The following MTA3 variants were observed in gnomAD, a reference collection of about 807,000 sequenced individuals.
The protein encoded by MTA3 is metastasis-associated protein MTA3.
MTA3 carries 34 observed loss-of-function variants against 83.5 expected under a neutral mutation model. That is an observed-to-expected ratio of 0.41 (90% CI 0.31 to 0.54). The LOEUF is 0.54. Ranked by LOEUF, MTA3 falls within the 20% of genes least tolerant of loss-of-function variation. The pLI, the probability that MTA3 is intolerant of heterozygous loss-of-function variation, is 0.33. For synonymous variants in MTA3, 303 were observed against 252.7 expected (o/e 1.20, Z -1.89); for missense variants, 761 against 726.4 (o/e 1.05, Z -0.55).
intron 13 of MTA3, 111 bp downstream of exon 13, chr2:42,708,165 T>G: frequency 8.8e-7 from 1 of 1,138,386 alleles, no homozygotes; most frequent in South Asian, 2.1e-5. Context: ...AAGCTACCTT[T>G]ATAGCTAAAC....
At chr2:42,636,647 A>C (rs1311801911) in intron 4 of MTA3, among the ~76,000 whole-genome samples, 2 of 92,306 alleles carry the variant, frequency 2.2e-5, no homozygotes, top group Non-Finnish European at 4.1e-5. Flanking sequence ...TTTTTTTTTG[A>C]GACGGGGTTT....
intron 3 of MTA3, among the ~76,000 whole-genome samples, chr2:42,607,429 G>A (rs912393179): frequency 1.3e-5 from 2 of 152,104 alleles, no homozygotes; most frequent in Non-Finnish European, 2.9e-5. Flanking sequence ...GCCCAGGCTG[G>A]AGTGCAGTGG....
At chr2:42,657,912 TA>T (rs1689312864) in intron 7 of MTA3, among the ~76,000 whole-genome samples, 2 of 149,914 alleles carry the variant, frequency 1.3e-5, no homozygotes. Context: ...TCTACAAAAA[TA>T]CAAAAAAAAT....
rs539954258 is a variant in MTA3, at chr2:42,557,482, G to C, written c.-140-12955G>C. Among the ~76,000 whole-genome samples the C allele has an allele frequency of 2.0e-5, 3 of 152,174 alleles. No homozygotes were observed. In the South Asian group the frequency reaches 6.2e-4, roughly 32 times the overall value. ...TCTGGGTGTCCTTTACCAAAGCCTC[G>C]AAAAGGTCAAACTGCCTCCAGGTGT... On this transcript the variant is annotated intron_variant, in intron 2 of 17. Coordinates refer to the MTA3 transcript ENST00000405592.
chr2:42,604,417 G>A (rs1682974961), intron 3 of MTA3, among the ~76,000 whole-genome samples: 2 of 152,146 alleles, frequency 1.3e-5, no homozygotes, highest in Admixed American at 1.3e-4. Context: ...GAAAAGCACT[G>A]GAATGAAATG....
intron 2 of MTA3, among the ~76,000 whole-genome samples, chr2:42,575,001 A>G (rs1678890761): frequency 6.6e-6 from 1 of 152,198 alleles, no homozygotes; most frequent in Non-Finnish European, 1.5e-5. Context: ...ACTCTAAACT[A>G]TTTACCATAT....
chr2:42,729,437 TTTTGA>T (rs944887881), intron 16 of MTA3, among the ~76,000 whole-genome samples: 2 of 152,140 alleles, frequency 1.3e-5, no homozygotes, highest in African/African-American at 4.8e-5. Flanking sequence ...ATTTAATTTA[TTTTGA>T]TTTGATTTTT....
At chr2:42,698,124 C>T (rs1282991618) in intron 11 of MTA3, among the ~76,000 whole-genome samples, 3 of 152,160 alleles carry the variant, frequency 2.0e-5, no homozygotes, top group Non-Finnish European at 4.4e-5. Context: ...TTATTTGAAG[C>T]AAATGTGTTT....
chr2:42,524,957 C>CTT (rs540854902), intron 2 of MTA3, among the ~76,000 whole-genome samples: 4 of 141,038 alleles, frequency 2.8e-5, no homozygotes, highest in African/African-American at 7.7e-5. Flanking sequence ...CTGTGGGTCT[C>CTT]TTTTTTTTTT....
intron 11 of MTA3, among the ~76,000 whole-genome samples, chr2:42,699,487 T>A (rs1693673198): frequency 6.6e-6 from 1 of 152,162 alleles, no homozygotes; most frequent in Non-Finnish European, 1.5e-5. Flanking sequence ...TCACCTGCTA[T>A]ATGTTGGGAA....
At chr2:42,734,215 C>A (rs1035335669) in intron 16 of MTA3, among the ~76,000 whole-genome samples, 2 of 152,034 alleles carry the variant, frequency 1.3e-5, no homozygotes, top group East Asian at 3.9e-4. Flanking sequence ...TGCTCCAGTG[C>A]TTGGTGCATA....
chr2:42,502,830 G>T (rs1010206127), intron 2 of MTA3, among the ~76,000 whole-genome samples: 12 of 150,522 alleles, frequency 8.0e-5, no homozygotes, highest in African/African-American at 2.7e-4. Flanking sequence ...GGGCATGGTG[G>T]CAGCCGCCTG....
intron 16 of MTA3, among the ~76,000 whole-genome samples, chr2:42,733,470 C>T (rs1018308177): frequency 6.6e-6 from 1 of 152,200 alleles, no homozygotes; most frequent in Non-Finnish European, 1.5e-5. Flanking sequence ...TGGGTGGCGA[C>T]ACAGCCAAAC....
intron 14 of MTA3, among the ~76,000 whole-genome samples, chr2:42,714,921 C>A (rs1432316603): frequency 3.3e-5 from 5 of 152,170 alleles, no homozygotes; most frequent in Non-Finnish European, 7.3e-5. Flanking sequence ...TGCTGTCCGG[C>A]CCAGTTCCTA....
intron 4 of MTA3, among the ~76,000 whole-genome samples, chr2:42,635,953 A>T (rs2104280911): frequency 6.6e-6 from 1 of 152,150 alleles, no homozygotes; most frequent in South Asian, 2.1e-4. Context: ...TTTAGTAGAG[A>T]TGGAGTTTCA....
At chr2:42,630,925 A>G (rs915423244) in intron 4 of MTA3, among the ~76,000 whole-genome samples, 1 of 152,284 alleles carries the variant, frequency 6.6e-6, no homozygotes, top group South Asian at 2.1e-4. Context: ...GTTTTTATGG[A>G]TATGTTTATT....
intron 2 of MTA3, among the ~76,000 whole-genome samples, chr2:42,524,113 A>G (rs1395460675): frequency 6.6e-6 from 1 of 152,062 alleles, no homozygotes; most frequent in East Asian, 1.9e-4. Flanking sequence ...CAGCCAGGCT[A>G]TGCTGACCCT....
intron 4 of MTA3, among the ~76,000 whole-genome samples, chr2:42,610,165 C>T (rs1390874235): frequency 6.6e-6 from 1 of 152,094 alleles, no homozygotes. Flanking sequence ...ATTTGAATAT[C>T]TTTTCAGAAT....
Position 42,663,366 on chromosome 2 carries a change from G to A in MTA3, c.702+3504G>A, listed in dbSNP as rs1558557635. ...AGGACAGCAGGTGAATTTCTTTTGG[G>A]AGAGGGCAGTTTTAGAGGTTTGGTA... On this transcript the variant is annotated intron_variant, in intron 8 of 16. Transcript: ENST00000405094. Among the ~76,000 whole-genome samples, 3 of 152,222 alleles carry A rather than the reference G, an allele frequency of 2.0e-5. No individual in the cohort carries two copies. The South Asian group carries it at 6.2e-4, about 31-fold the overall frequency.
Sources: gnomAD v4.1 joint callset for allele counts (sites outside exome capture counted in the v4.1 genomes callset) on GRCh38, gnomAD v4.1.1 for gene constraint, MANE v1.5 for transcripts, NCBI Gene and HGNC (gene_info 2026-07-23, HGNC 2026-07-21) for gene names.